The following ABHD12 variants were observed in gnomAD, a reference collection of about 807,000 sequenced individuals.
The protein encoded by ABHD12 is abhydrolase domain containing 12, lysophospholipase.
Under a neutral mutation model 58.3 loss-of-function variants are expected in ABHD12, and 43 were observed. That is an observed-to-expected ratio of 0.74 (90% CI 0.58 to 0.95). The LOEUF is 0.95. Among genes scored for constraint, ABHD12 ranks in the 40% least tolerant of loss-of-function variants. The pLI, the probability that ABHD12 is intolerant of heterozygous loss-of-function variation, is 0.00. For synonymous variants in ABHD12, 219 were observed against 211.2 expected (o/e 1.04, Z -0.32); for missense variants, 539 against 537.2 (o/e 1.00, Z -0.03).
At chr20:25,383,605 G>T (rs1430086134) in intron 1 of ABHD12, among the ~76,000 whole-genome samples, 1 of 152,160 alleles carries the variant, frequency 6.6e-6, no homozygotes, top group Non-Finnish European at 1.5e-5. Flanking sequence ...CGGATCACAA[G>T]GTCAGGAGTT....
intron 1 of ABHD12, 93 bp downstream of exon 1, chr20:25,390,420 G>A (rs1403627272): frequency 1.1e-5 from 13 of 1,234,612 alleles, no homozygotes; most frequent in African/African-American, 1.6e-5. Context: ...CACTCTGGGA[G>A]GGGCTGGGAG....
chr20:25,316,939 A>G, intron 5 of ABHD12, 109 bp downstream of exon 5: 1 of 1,040,200 alleles, frequency 9.6e-7, no homozygotes, highest in Non-Finnish European at 1.5e-6. Flanking sequence ...CACACACACA[A>G]ACAGCCCAGC....
chr20:25,312,382 T>C (rs1025313242), intron 6 of ABHD12, among the ~76,000 whole-genome samples: 2 of 152,168 alleles, frequency 1.3e-5, no homozygotes, highest in African/African-American at 2.4e-5. Flanking sequence ...GGTTTCGCTG[T>C]GTTGGCCAGG....
chr20:25,323,480 C>T, intron 2 of ABHD12, 50 bp from the exon 3 acceptor site: 1 of 1,119,360 alleles, frequency 8.9e-7, no homozygotes, highest in South Asian at 1.2e-5. Context: ...GATGAATACA[C>T]ACATGTACAC....
In ABHD12 at chr20:25,331,535, A is replaced by G. The variant is rs189648887; in HGVS notation, c.316+7692T>C. Among the ~76,000 whole-genome samples, 88 of 152,270 alleles carry G rather than the reference A, an allele frequency of 5.8e-4. 3 individuals carry two copies. In the East Asian group the frequency reaches 0.016, roughly 28 times the overall value. On this transcript the variant is annotated intron_variant, in intron 2 of 12. Coordinates refer to ENST00000339157, the MANE Select transcript of ABHD12 (RefSeq NM_001042472.3). Reference sequence around the variant, plus strand: ...CACGAAAGTTGAAATGAAGGAAAAAATGTTAAGGGCAGCAAGAGAGAAAGG... The same window carrying G: ...CACGAAAGTTGAAATGAAGGAAAAAGTGTTAAGGGCAGCAAGAGAGAAAGG...
At position 25,383,387 on chromosome 20, in the gene ABHD12, G is replaced by A. The variant is rs6050571; in HGVS notation, c.191+7126C>T. Reference sequence around the variant, plus strand: ...GTCAATCCAGCAGATCTGGCCTGTCGGTTGGGAGTTGGAGGATAAAGACTA... The same window carrying A: ...GTCAATCCAGCAGATCTGGCCTGTCAGTTGGGAGTTGGAGGATAAAGACTA... On this transcript the variant is annotated intron_variant, in intron 1 of 12. Coordinates refer to ENST00000339157, the MANE Select transcript of ABHD12 (RefSeq NM_001042472.3). 8.3e-3 allele frequency among the ~76,000 whole-genome samples: 1,261 copies of A among 152,210 alleles called. 19 individuals carry two copies. The highest frequency in any genetic ancestry group is 0.029 in the African/African-American group (1,205 of 41,482).
At chr20:25,301,925 C>T (rs2088642096) in intron 12 of ABHD12, among the ~76,000 whole-genome samples, 1 of 152,234 alleles carries the variant, frequency 6.6e-6, no homozygotes, top group African/African-American at 2.4e-5. Flanking sequence ...GTGTCTGTGT[C>T]TGAGTGTTCC....
intron 7 of ABHD12, 56 bp downstream of exon 7, chr20:25,309,390 G>A (rs1168782493): frequency 1.2e-6 from 2 of 1,612,054 alleles, no homozygotes; most frequent in Non-Finnish European, 1.7e-6. Flanking sequence ...CCAGGCATGG[G>A]AGTCACCAGG....
At chr20:25,299,867 G>T (rs559013436), downstream of ABHD12, among the ~76,000 whole-genome samples, 1 of 152,278 alleles carries the variant, frequency 6.6e-6, no homozygotes, top group African/African-American at 2.4e-5. Context: ...GACCTCAGAA[G>T]TAATGTCTAC....
At chr20:25,322,381 A>ATATATATATATTTT in intron 3 of ABHD12, among the ~76,000 whole-genome samples, 10 of 59,284 alleles carry the variant, frequency 1.7e-4, no homozygotes, top group African/African-American at 7.5e-4. Flanking sequence ...ATATATATAT[A>ATATATATATATTTT]TTTTTTTTTT....
chr20:25,336,945 T>C (rs2089381438), intron 2 of ABHD12, among the ~76,000 whole-genome samples: 2 of 152,102 alleles, frequency 1.3e-5, no homozygotes, highest in Non-Finnish European at 2.9e-5. Context: ...TGCTAGACCT[T>C]TGGCAACTAA....
intron 2 of ABHD12, among the ~76,000 whole-genome samples, chr20:25,335,952 T>A (rs2089360405): frequency 6.6e-6 from 1 of 150,680 alleles, no homozygotes; most frequent in Admixed American, 6.6e-5. Flanking sequence ...GAATTTAAAG[T>A]ATAATAATAA....
At position 25,390,512 on chromosome 20, in the gene ABHD12, C is replaced by G. The variant is rs1291922738; in HGVS notation, c.191+1G>C. On this transcript the variant is annotated splice_donor_variant, in intron 1 of 12. Coordinates refer to ENST00000339157, the MANE Select transcript of ABHD12 (RefSeq NM_001042472.3). LOFTEE classifies it high-confidence loss of function. ...CCCCCCCGCTCCGCGCGAAGCCTCA[C>G]CTGCCCAGCGCCCGCTTCATTCCCG... The G allele has an allele frequency of 1.4e-6, 2 of 1,450,652 alleles. No individual in the cohort carries two copies. The highest frequency in any genetic ancestry group is 4.8e-5 in the Admixed American group (2 of 41,760). The allele number at this position is 1,450,652 out of a possible 1,614,324, so 89.9% of individuals were successfully genotyped here.
chr20:25,320,371 T>A, intron 3 of ABHD12, 53 bp from the exon 4 acceptor site: 1 of 1,607,148 alleles, frequency 6.2e-7, no homozygotes, highest in Admixed American at 1.7e-5. Flanking sequence ...TCTGTCCTCA[T>A]CCTGGCGACT....
chr20:25,390,822 G>A lies in ABHD12; in HGVS notation c.-119C>T, dbSNP rs2090167555. On this transcript the variant is annotated 5_prime_UTR_variant, in exon 1 of 13. Coordinates refer to ENST00000339157, the MANE Select transcript of ABHD12 (RefSeq NM_001042472.3). ...GGAACCCGCCGCTCCTCACATCCCA[G>A]CCCAGGCCGCTGCGCCGGCTACGAA... 1 of 624,854 alleles carries A rather than the reference G, an allele frequency of 1.6e-6. No individual in the cohort carries two copies. The highest frequency in any genetic ancestry group is 2.2e-6 in the Non-Finnish European group (1 of 456,426). The allele number at this position is 624,854 out of a possible 1,614,324, so 38.7% of individuals were successfully genotyped here.
At chr20:25,298,143 G>A (rs1171287610), downstream of ABHD12, 2 of 152,264 alleles carry the variant, frequency 1.3e-5, no homozygotes, top group Non-Finnish European at 2.9e-5. Flanking sequence ...GTGGGCCACA[G>A]GTCCCCCGTC....
chr20:25,385,331 CAAAAAAAAAAAA>C (rs11477490), intron 1 of ABHD12, among the ~76,000 whole-genome samples: 1 of 51,716 alleles, frequency 1.9e-5, no homozygotes, highest in Non-Finnish European at 3.4e-5. Context: ...GAGTGAGACT[CAAAAAAAAAAAA>C]AAAAAAAAAA....
At chr20:25,323,535 G>A (rs1271114195) in intron 2 of ABHD12, 105 bp from the exon 3 acceptor site, 4 of 766,802 alleles carry the variant, frequency 5.2e-6, no homozygotes, top group African/African-American at 3.4e-5. Context: ...GCATCCACAC[G>A]TGCACACACA....
chr20:25,296,243 C>T (rs971572036), downstream of ABHD12: 79 of 1,168,904 alleles, frequency 6.8e-5, no homozygotes, highest in Admixed American at 3.0e-4. Context: ...TAATGTCCTC[C>T]TCTTCCAGCG....
Sources: gnomAD v4.1 joint callset for allele counts (sites outside exome capture counted in the v4.1 genomes callset) on GRCh38, gnomAD v4.1.1 for gene constraint, MANE v1.5 for transcripts, NCBI Gene and HGNC (gene_info 2026-07-23, HGNC 2026-07-21) for gene names.